The following ZNF98 variants were observed in gnomAD, a reference collection of about 807,000 sequenced individuals.
The protein encoded by ZNF98 is zinc finger protein 98, also known as zinc finger protein 739.
Under a neutral mutation model 12.8 loss-of-function variants are expected in ZNF98, and 8 were observed. The ratio of observed to expected loss-of-function variants is 0.63; its 90% CI spans 0.37 to 1.13. ZNF98 has a LOEUF of 1.13. Among genes scored for constraint, ZNF98 ranks in the 50% most tolerant of loss-of-function variants. ZNF98 has a pLI of 0.01. For synonymous variants in ZNF98, 112 were observed against 223.5 expected, an observed-to-expected ratio of 0.50 and a Z score of 4.45; for missense variants, 379 against 666.1, an observed-to-expected ratio of 0.57 and a Z score of 4.74.
At chr19:22,398,656 T>C (rs1377019039) in intron 3 of ZNF98, among the ~76,000 whole-genome samples, 1 of 152,192 alleles carries the variant, frequency 6.6e-6, no homozygotes, top group Non-Finnish European at 1.5e-5. Context: ...CGACTGGCCA[T>C]GAAATGTACA....
At chr19:22,421,493 A>AT (rs906526927) in intron 1 of ZNF98, among the ~76,000 whole-genome samples, 2 of 152,116 alleles carry the variant, frequency 1.3e-5, no homozygotes, top group Admixed American at 6.5e-5. Flanking sequence ...ACTCAAATGC[A>AT]TTTTTTTAAT....
intron 3 of ZNF98, among the ~76,000 whole-genome samples, chr19:22,401,631 C>CT (rs1042119289): frequency 6.6e-5 from 10 of 151,636 alleles, no homozygotes; most frequent in Non-Finnish European, 1.0e-4. Flanking sequence ...TTACAGGCGC[C>CT]TGTCACCACG....
At chr19:22,408,758 T>G (rs1381413183) in intron 1 of ZNF98, among the ~76,000 whole-genome samples, 1 of 152,068 alleles carries the variant, frequency 6.6e-6, no homozygotes, top group Non-Finnish European at 1.5e-5. Context: ...CAAGGAAAAC[T>G]ACAAACCACT....
At chr19:22,399,653 C>A (rs758059831) in intron 3 of ZNF98, among the ~76,000 whole-genome samples, 16 of 152,070 alleles carry the variant, frequency 1.1e-4, no homozygotes, top group African/African-American at 2.9e-4. Context: ...CATAACATGT[C>A]AATTTTAGTA....
At chr19:22,409,598 AAAAC>A (rs1168187308) in intron 1 of ZNF98, among the ~76,000 whole-genome samples, 9 of 152,110 alleles carry the variant, frequency 5.9e-5, no homozygotes, top group Non-Finnish European at 1.0e-4. Context: ...TTACAAGAAA[AAAAC>A]AAACAATTCC....
intron 1 of ZNF98, among the ~76,000 whole-genome samples, chr19:22,421,343 C>T (rs1205311774): frequency 6.6e-6 from 1 of 151,832 alleles, no homozygotes; most frequent in Non-Finnish European, 1.5e-5. Context: ...CAGAGTTAGG[C>T]TGCAGAAATG....
intron 1 of ZNF98, among the ~76,000 whole-genome samples, chr19:22,414,254 AAAG>A (rs1969615204): frequency 7.0e-6 from 1 of 143,686 alleles, no homozygotes; most frequent in African/African-American, 2.5e-5. Context: ...AAAAAAAAAA[AAAG>A]AAAGCAAGCA....
intron 3 of ZNF98, 99 bp from the exon 4 acceptor site, chr19:22,393,080 A>T: frequency 8.3e-7 from 1 of 1,210,504 alleles, no homozygotes; most frequent in Non-Finnish European, 1.1e-6. Flanking sequence ...ACATCACAAG[A>T]TGTTACAGCA....
At chr19:22,408,382 C>G (rs957860773) in intron 1 of ZNF98, among the ~76,000 whole-genome samples, 2 of 152,042 alleles carry the variant, frequency 1.3e-5, no homozygotes, top group South Asian at 2.1e-4. Context: ...AAAACCAGTA[C>G]AAGACAAGGA....
rs113042013 is a variant in ZNF98, at chr19:22,410,745, T to A, written c.31-7233A>T. On this transcript the variant is annotated intron_variant, in intron 1 of 3. Transcript: ENST00000357774. ...TGAGCTTATAAATCACTTGGTAATG[T>A]TGGTCTCACTCTATGTAATGTGATT... 3.3e-3 allele frequency among the ~76,000 whole-genome samples: 508 copies of A among 152,296 alleles called. 5 individuals are homozygous for A. Among genetic ancestry groups the A allele is most frequent in the African/African-American group, 0.012 (493 of 41,562 alleles).
At chr19:22,413,865 G>A (rs1327341647) in intron 1 of ZNF98, among the ~76,000 whole-genome samples, 30 of 69,256 alleles carry the variant, frequency 4.3e-4, no homozygotes, top group African/African-American at 6.7e-4. Flanking sequence ...GCAAAACTCC[G>A]TCTCAAAAAA....
chr19:22,398,103 T>G (rs578031746), intron 3 of ZNF98, among the ~76,000 whole-genome samples: 26 of 152,004 alleles, frequency 1.7e-4, no homozygotes, highest in African/African-American at 5.5e-4. Flanking sequence ...AATACAAAAA[T>G]GCCAAAATAT....
At chr19:22,405,700 G>C (rs1247690478) in intron 1 of ZNF98, among the ~76,000 whole-genome samples, 1 of 152,194 alleles carries the variant, frequency 6.6e-6, no homozygotes, top group African/African-American at 2.4e-5. Flanking sequence ...AGCCTGCTGA[G>C]TTCCCAGGGG....
intron 1 of ZNF98, among the ~76,000 whole-genome samples, chr19:22,416,832 C>A (rs1455823401): frequency 6.6e-6 from 1 of 152,150 alleles, no homozygotes; most frequent in Non-Finnish European, 1.5e-5. Context: ...CATACACACA[C>A]ACACACACAG....
At chr19:22,421,503 T>C (rs184268590) in intron 1 of ZNF98, among the ~76,000 whole-genome samples, 3 of 152,290 alleles carry the variant, frequency 2.0e-5, no homozygotes, top group African/African-American at 4.8e-5. Flanking sequence ...ATTTTTTTAA[T>C]AGAAATTACT....
chr19:22,400,067 A>C (rs946818137), intron 3 of ZNF98, among the ~76,000 whole-genome samples: 2 of 152,156 alleles, frequency 1.3e-5, no homozygotes, highest in Non-Finnish European at 2.9e-5. Context: ...GTTCTTGGCT[A>C]CAGACCAGAA....
At chr19:22,407,352 C>T (rs1969531368) in intron 1 of ZNF98, among the ~76,000 whole-genome samples, 2 of 151,136 alleles carry the variant, frequency 1.3e-5, no homozygotes, top group African/African-American at 2.4e-5. Flanking sequence ...CCACTGTGCC[C>T]AGTCCTATTT....
chr19:22,409,821 A>G (rs1969561047), intron 1 of ZNF98, among the ~76,000 whole-genome samples: 1 of 151,312 alleles, frequency 6.6e-6, no homozygotes, highest in South Asian at 2.1e-4. Flanking sequence ...CTGAGGCAGA[A>G]GAATGGCTTG....
intron 1 of ZNF98, among the ~76,000 whole-genome samples, chr19:22,415,786 C>T (rs1216177162): frequency 1.3e-5 from 2 of 151,192 alleles, no homozygotes; most frequent in African/African-American, 4.9e-5. Context: ...AACCTGTCTT[C>T]AAAAATAAAA....
Sources: allele counts gnomAD v4.1 joint callset (sites outside exome capture counted in the v4.1 genomes callset), GRCh38; gene constraint gnomAD v4.1.1; transcripts MANE v1.5; gene names NCBI Gene and HGNC (gene_info 2026-07-23, HGNC 2026-07-21).